Variants in VGLL4 observed in about 807,000 individuals in gnomAD.
The protein encoded by VGLL4 is transcription cofactor vestigial-like protein 4.
Under a neutral mutation model 21.0 loss-of-function variants are expected in VGLL4, and 7 were observed. That is an observed-to-expected ratio of 0.33 (90% CI 0.19 to 0.63). The LOEUF is 0.63. Among genes scored for constraint, VGLL4 ranks in the 20% least tolerant of loss-of-function variants. VGLL4 has a pLI of 0.78. For missense variants in VGLL4, 394 were observed against 425.7 expected (o/e 0.93, Z 0.66); for synonymous variants, 222 against 173.2 (o/e 1.28, Z -2.21).
At chr3:11,694,297 T>G (rs917421026) in intron 2 of VGLL4, among the ~76,000 whole-genome samples, 13 of 152,186 alleles carry the variant, frequency 8.5e-5, no homozygotes, top group African/African-American at 2.9e-4. Flanking sequence ...CTGTAAGATT[T>G]CAGTGACTAT....
In VGLL4 at chr3:11,643,572, G is replaced by A; in HGVS notation, c.-54C>T. 2 of 1,611,118 alleles carry A rather than the reference G, an allele frequency of 1.2e-6. No homozygotes were observed. The highest frequency in any genetic ancestry group is 1.7e-6 in the Non-Finnish European group (2 of 1,178,910). ...TTTGCTTTTGCCCCAAAAGAGTTAA[G>A]TTTCAAAAATCAATTGTTGCTGAGT... On this transcript the variant is annotated 5_prime_UTR_variant, in exon 1 of 5. Coordinates refer to ENST00000430365, the MANE Select transcript of VGLL4 (RefSeq NM_001128219.3).
At chr3:11,695,469 G>A (rs954213486) in intron 2 of VGLL4, among the ~76,000 whole-genome samples, 4 of 151,882 alleles carry the variant, frequency 2.6e-5, no homozygotes, top group Admixed American at 6.6e-5. Flanking sequence ...ACCTATGTGT[G>A]TATATATATA....
intron 1 of VGLL4, among the ~76,000 whole-genome samples, chr3:11,718,503 T>A (rs544776635): frequency 6.6e-6 from 1 of 152,240 alleles, no homozygotes; most frequent in African/African-American, 2.4e-5. Flanking sequence ...CAGGAAACAA[T>A]GAACAGTACA....
chr3:11,665,983 G>T (rs975852796), intron 2 of VGLL4, among the ~76,000 whole-genome samples: 3 of 152,196 alleles, frequency 2.0e-5, no homozygotes, highest in Admixed American at 2.0e-4. Context: ...GGGCGCGGTG[G>T]CTCACGCCTG....
intron 1 of VGLL4, among the ~76,000 whole-genome samples, chr3:11,603,184 A>G (rs1226664404): frequency 6.6e-6 from 1 of 152,234 alleles, no homozygotes; most frequent in Non-Finnish European, 1.5e-5. Flanking sequence ...TGTTGGAGAA[A>G]GGAGTGAGGA....
At chr3:11,644,200 C>T (rs531092883), upstream of VGLL4, among the ~76,000 whole-genome samples, 5 of 152,274 alleles carry the variant, frequency 3.3e-5, no homozygotes, top group South Asian at 1.0e-3. Context: ...AAAAATCCAT[C>T]ATGGAAGCAA....
intron 2 of VGLL4, among the ~76,000 whole-genome samples, chr3:11,692,519 A>G (rs1480762328): frequency 6.6e-6 from 1 of 152,244 alleles, no homozygotes; most frequent in African/African-American, 2.4e-5. Context: ...TTTTAGAAAG[A>G]ACAGAAACAT....
At chr3:11,567,796 T>C (rs940565330) in intron 2 of VGLL4, among the ~76,000 whole-genome samples, 1 of 152,222 alleles carries the variant, frequency 6.6e-6, no homozygotes, top group Non-Finnish European at 1.5e-5. Flanking sequence ...ATCCTCATCT[T>C]CAGTGTCCCG....
intron 2 of VGLL4, among the ~76,000 whole-genome samples, chr3:11,663,719 A>G (rs2076068701): frequency 1.3e-5 from 2 of 152,186 alleles, no homozygotes; most frequent in Non-Finnish European, 2.9e-5. Flanking sequence ...CTCCACCTCA[A>G]AATAAAAAAG....
At chr3:11,712,539 C>G (rs925878345) in intron 1 of VGLL4, among the ~76,000 whole-genome samples, 2 of 151,726 alleles carry the variant, frequency 1.3e-5, no homozygotes, top group African/African-American at 4.8e-5. Flanking sequence ...GCCAAATGGC[C>G]AAATATGATT....
At chr3:11,675,553 C>A (rs531085364) in intron 2 of VGLL4, among the ~76,000 whole-genome samples, 3 of 151,764 alleles carry the variant, frequency 2.0e-5, no homozygotes, top group African/African-American at 4.8e-5. Context: ...TAAAACCCCA[C>A]GGAGAAAGAA....
At chr3:11,596,438 C>T (rs1288321995) in intron 2 of VGLL4, among the ~76,000 whole-genome samples, 2 of 152,210 alleles carry the variant, frequency 1.3e-5, no homozygotes, top group Admixed American at 6.5e-5. Flanking sequence ...GCTTCTGAAA[C>T]TACCTGAAGT....
intron 3 of VGLL4, among the ~76,000 whole-genome samples, chr3:11,561,850 T>G (rs1022242595): frequency 2.9e-5 from 4 of 140,044 alleles, no homozygotes; most frequent in African/African-American, 1.1e-4. Context: ...TCCCACCACC[T>G]CTCCTATCTG....
intron 1 of VGLL4, among the ~76,000 whole-genome samples, chr3:11,605,829 AT>A (rs1448882755): frequency 6.6e-6 from 1 of 152,256 alleles, no homozygotes; most frequent in Non-Finnish European, 1.5e-5. Flanking sequence ...CAAAGATGTT[AT>A]AGAATAAGGA....
chr3:11,573,062 A>G (rs937531906), intron 2 of VGLL4, among the ~76,000 whole-genome samples: 1 of 151,766 alleles, frequency 6.6e-6, no homozygotes, highest in Non-Finnish European at 1.5e-5. Flanking sequence ...GCTACTCCAG[A>G]GGCTGAGGGA....
chr3:11,670,194 G>A (rs1410750368), intron 2 of VGLL4, among the ~76,000 whole-genome samples: 2 of 129,590 alleles, frequency 1.5e-5, no homozygotes, highest in Non-Finnish European at 3.5e-5. Context: ...CTTTTTCTAC[G>A]CCCCTCCCAC....
At chr3:11,605,784 G>A (rs1396009553) in intron 1 of VGLL4, among the ~76,000 whole-genome samples, 7 of 152,160 alleles carry the variant, frequency 4.6e-5, no homozygotes, top group Admixed American at 6.5e-5. Flanking sequence ...GTGACAGGGT[G>A]GGCAGTTTAC....
At chr3:11,613,942 A>T (rs1215126102) in intron 1 of VGLL4, among the ~76,000 whole-genome samples, 1 of 152,204 alleles carries the variant, frequency 6.6e-6, no homozygotes, top group Non-Finnish European at 1.5e-5. Context: ...ACAGTACCCA[A>T]GAGCCTGGGT....
intron 2 of VGLL4, among the ~76,000 whole-genome samples, chr3:11,596,742 G>A (rs188379732): frequency 2.0e-5 from 3 of 152,146 alleles, no homozygotes; most frequent in African/African-American, 4.8e-5. Context: ...TGCAGCTGAG[G>A]AACTAGATTT....
Sources: allele counts gnomAD v4.1 joint callset (sites outside exome capture counted in the v4.1 genomes callset), GRCh38; gene constraint gnomAD v4.1.1; transcripts MANE v1.5; gene names NCBI Gene and HGNC (gene_info 2026-07-23, HGNC 2026-07-21).